CADM2: variants seen among roughly 807,000 people sequenced by gnomAD.
CADM2 encodes the protein cell adhesion molecule 2, also known as immunoglobulin superfamily member 4D.
CADM2 carries 12 observed loss-of-function variants against 49.8 expected under a neutral mutation model. The ratio of observed to expected loss-of-function variants is 0.24; its 90% CI spans 0.15 to 0.39. CADM2 has a LOEUF of 0.39. Ranked by LOEUF, CADM2 falls within the 10% of genes least tolerant of loss-of-function variation. The pLI is 1.00. For synonymous variants in CADM2, 214 were observed against 175.4 expected (o/e 1.22, Z -1.74); for missense variants, 378 against 492.3 (o/e 0.77, Z 2.20).
intron 1 of CADM2, among the ~76,000 whole-genome samples, chr3:85,563,352 T>G (rs894710511): frequency 4.8e-5 from 7 of 146,974 alleles, no homozygotes; most frequent in African/African-American, 1.5e-4. Context: ...ATTTTATATC[T>G]CTTGTAACCT....
chr3:85,356,967 A>G (rs942798113), intron 1 of CADM2, among the ~76,000 whole-genome samples: 5 of 152,166 alleles, frequency 3.3e-5, no homozygotes, highest in Non-Finnish European at 7.4e-5. Context: ...TGGGATATAG[A>G]AGTATGAAGA....
chr3:85,538,180 G>C (rs776343952), intron 1 of CADM2, among the ~76,000 whole-genome samples: 6 of 152,122 alleles, frequency 3.9e-5, no homozygotes, highest in Non-Finnish European at 7.4e-5. Flanking sequence ...TAAACAGGAA[G>C]TGTAGGAATA....
At chr3:84,996,347 G>T (rs1461480810) in intron 1 of CADM2, among the ~76,000 whole-genome samples, 1 of 151,892 alleles carries the variant, frequency 6.6e-6, no homozygotes, top group Non-Finnish European at 1.5e-5. Context: ...TAAAATTAGT[G>T]TACTTATTTC....
chr3:85,018,563 T>G (rs1381502559), intron 1 of CADM2, among the ~76,000 whole-genome samples: 1 of 151,918 alleles, frequency 6.6e-6, no homozygotes, highest in Non-Finnish European at 1.5e-5. Flanking sequence ...CCATGTTGGC[T>G]AGGCTGGTCT....
chr3:85,852,645 T>C (rs2075153467), intron 3 of CADM2, among the ~76,000 whole-genome samples: 1 of 152,078 alleles, frequency 6.6e-6, no homozygotes, highest in South Asian at 2.1e-4. Flanking sequence ...ACACTGTAAA[T>C]CTAGAAACAT....
intron 2 of CADM2, among the ~76,000 whole-genome samples, chr3:85,743,715 T>G (rs1045037740): frequency 6.6e-6 from 1 of 152,164 alleles, no homozygotes; most frequent in African/African-American, 2.4e-5. Flanking sequence ...ATACACTGAA[T>G]AGCGCAAAGA....
chr3:85,915,761 C>G (rs1718213693), intron 6 of CADM2, among the ~76,000 whole-genome samples: 1 of 152,084 alleles, frequency 6.6e-6, no homozygotes, highest in Non-Finnish European at 1.5e-5. Context: ...CATTGTTTGA[C>G]AATATTCTTG....
chr3:85,687,707 T>C (rs1301994589), intron 1 of CADM2, among the ~76,000 whole-genome samples: 1 of 152,174 alleles, frequency 6.6e-6, no homozygotes, highest in Non-Finnish European at 1.5e-5. Context: ...AAACATGAGA[T>C]TGAAATATGT....
intron 1 of CADM2, among the ~76,000 whole-genome samples, chr3:85,188,508 AATTT>A (rs1282183593): frequency 2.6e-5 from 4 of 152,182 alleles, no homozygotes; most frequent in Non-Finnish European, 4.4e-5. Flanking sequence ...TAAATATAGC[AATTT>A]ATTCTATTGA....
At chr3:86,059,021 G>C (rs1354880686) in intron 8 of CADM2, among the ~76,000 whole-genome samples, 1 of 151,164 alleles carries the variant, frequency 6.6e-6, no homozygotes, top group Non-Finnish European at 1.5e-5. Context: ...TTGAACCCAG[G>C]AGGCGGAGGT....
chr3:85,471,913 C>A (rs1265195099), intron 1 of CADM2, among the ~76,000 whole-genome samples: 2 of 151,650 alleles, frequency 1.3e-5, no homozygotes, highest in Non-Finnish European at 2.9e-5. Flanking sequence ...CCATTCTATT[C>A]TTTATACATT....
intron 1 of CADM2, among the ~76,000 whole-genome samples, chr3:85,229,125 A>T (rs1399499111): frequency 6.6e-6 from 1 of 152,138 alleles, no homozygotes; most frequent in South Asian, 2.1e-4. Flanking sequence ...AAAACTGCCT[A>T]TTCAGGCCTC....
chr3:85,467,438 G>T (rs1396495925), intron 1 of CADM2, among the ~76,000 whole-genome samples: 1 of 151,982 alleles, frequency 6.6e-6, no homozygotes, highest in African/African-American at 2.4e-5. Context: ...GAAATTTAAG[G>T]ATGATAGCTC....
intron 1 of CADM2, among the ~76,000 whole-genome samples, chr3:85,177,509 T>C (rs1255915693): frequency 2.0e-5 from 3 of 152,086 alleles, no homozygotes; most frequent in African/African-American, 7.2e-5. Flanking sequence ...TATCTTAAAA[T>C]TATCTATAAT....
intron 1 of CADM2, among the ~76,000 whole-genome samples, chr3:85,241,359 G>T (rs1306606382): frequency 6.6e-6 from 1 of 151,486 alleles, no homozygotes; most frequent in Non-Finnish European, 1.5e-5. Context: ...TTTATAAGAA[G>T]AAATAGTCTG....
At chr3:85,819,076 C>T (rs1436825759) in intron 3 of CADM2, among the ~76,000 whole-genome samples, 3 of 151,876 alleles carry the variant, frequency 2.0e-5, no homozygotes, top group African/African-American at 7.3e-5. Flanking sequence ...GACCAAAGGC[C>T]CCAGAACCCC....
At chr3:85,039,676 G>A (rs976815215) in intron 1 of CADM2, among the ~76,000 whole-genome samples, 6 of 151,954 alleles carry the variant, frequency 3.9e-5, no homozygotes, top group African/African-American at 1.5e-4. Flanking sequence ...AATTACAAAG[G>A]CAAGTAGCAA....
At chr3:85,028,946 C>T (rs567919964) in intron 1 of CADM2, among the ~76,000 whole-genome samples, 2 of 13,342 alleles carry the variant, frequency 1.5e-4, no homozygotes, top group African/African-American at 2.3e-3. Flanking sequence ...TACTGTTTTA[C>T]CGAAATAAAA....
intron 5 of CADM2, among the ~76,000 whole-genome samples, chr3:85,908,330 C>T (rs755474907): frequency 2.1e-5 from 3 of 141,614 alleles, no homozygotes; most frequent in East Asian, 2.1e-4. Flanking sequence ...CTCCAGTGCT[C>T]GAACTTAAAT....
Sources: allele counts gnomAD v4.1 joint callset (sites outside exome capture counted in the v4.1 genomes callset), GRCh38; gene constraint gnomAD v4.1.1; transcripts MANE v1.5; gene names NCBI Gene and HGNC (gene_info 2026-07-23, HGNC 2026-07-21).